PARD3B: variants seen among roughly 807,000 people sequenced by gnomAD.
PARD3B encodes par-3 family cell polarity regulator beta.
A neutral mutation model predicts 130.2 loss-of-function variants in PARD3B; 103 were observed. The ratio of observed to expected loss-of-function variants is 0.79; its 90% CI spans 0.67 to 0.93. The LOEUF is 0.93. Among genes scored for constraint, PARD3B ranks in the 40% least tolerant of loss-of-function variants. The pLI is 0.00. For synonymous variants in PARD3B, 583 were observed against 553.2 expected (o/e 1.05, Z -0.76); for missense variants, 1,609 against 1,499.2 (o/e 1.07, Z -1.21).
At chr2:204,927,916 T>G (rs568073283) in intron 2 of PARD3B, among the ~76,000 whole-genome samples, 1 of 152,150 alleles carries the variant, frequency 6.6e-6, no homozygotes, top group Non-Finnish European at 1.5e-5. Flanking sequence ...AATTTAAGCT[T>G]GTATCTAGAA....
chr2:205,526,356 A>G (rs1559179777), intron 21 of PARD3B, among the ~76,000 whole-genome samples: 1 of 152,186 alleles, frequency 6.6e-6, no homozygotes, highest in Non-Finnish European at 1.5e-5. Context: ...TTCAAAATCA[A>G]AAGATACAAA....
chr2:204,935,371 T>TCC (rs1419014342), intron 2 of PARD3B, among the ~76,000 whole-genome samples: 15 of 94,258 alleles, frequency 1.6e-4, no homozygotes, highest in Non-Finnish European at 2.8e-4. Flanking sequence ...CTACTAAAAA[T>TCC]ACAAAAAAAA....
intron 3 of PARD3B, among the ~76,000 whole-genome samples, chr2:204,986,604 T>C (rs973798484): frequency 3.9e-5 from 6 of 152,250 alleles, no homozygotes; most frequent in African/African-American, 1.2e-4. Flanking sequence ...ATATGCCTGT[T>C]AGCATTCCAA....
rs2055423497 is a variant in PARD3B at position 205,616,053 on chromosome 2, T to C, written c.*240T>C. On this transcript the variant is annotated 3_prime_UTR_variant, in exon 23 of 23. Coordinates refer to ENST00000406610, the MANE Select transcript of PARD3B (RefSeq NM_001302769.2). The stretch of plus-strand genomic sequence containing the variant: ...GGGCTATAAAAACAAAACTACCTGA[T>C]AGTTGAAACGCTTTCAGAGTTGTTC... 3.9e-6 allele frequency: 2 copies of C among 512,648 alleles called. No individual in the cohort carries two copies. The highest frequency in any genetic ancestry group is 6.9e-6 in the Non-Finnish European group (2 of 291,288). 31.8% of individuals were successfully genotyped at this position (512,648 alleles called of 1,614,324 possible).
intron 2 of PARD3B, among the ~76,000 whole-genome samples, chr2:204,912,119 G>C (rs2047260082): frequency 6.6e-6 from 1 of 152,126 alleles, no homozygotes; most frequent in Admixed American, 6.6e-5. Flanking sequence ...CTTCTGAATA[G>C]TATTCATTTG....
chr2:204,556,023 A>T (rs1340166800), intron 1 of PARD3B, among the ~76,000 whole-genome samples: 1 of 152,162 alleles, frequency 6.6e-6, no homozygotes, highest in Non-Finnish European at 1.5e-5. Flanking sequence ...AACTTCAATA[A>T]AGGTAGAGAT....
chr2:205,279,145 C>G (rs2105829447), intron 16 of PARD3B, among the ~76,000 whole-genome samples: 1 of 150,804 alleles, frequency 6.6e-6, no homozygotes, highest in East Asian at 2.0e-4. Flanking sequence ...AATTTTCCCC[C>G]CAAATTTAAC....
Position 205,507,637 on chromosome 2 carries a change from G to A in PARD3B, c.3180+7606G>A, listed in dbSNP as rs974875051. Among the ~76,000 whole-genome samples the A allele has an allele frequency of 1.8e-4, 27 of 152,184 alleles. 1 individual carries two copies. Among genetic ancestry groups the A allele is most frequent in the Non-Finnish European group, 1.8e-4 (12 of 68,012 alleles). ...GAGAGAGTCCTCAAAGGAAAATCAAGGTGCTGTTAACAGGGAAAGAGAATG... is the reference window on the plus strand; with the variant it reads ...GAGAGAGTCCTCAAAGGAAAATCAAAGTGCTGTTAACAGGGAAAGAGAATG... On this transcript the variant is annotated intron_variant, in intron 21 of 22. Transcript: ENST00000406610.
At chr2:205,310,452 G>C (rs2105931084) in intron 18 of PARD3B, among the ~76,000 whole-genome samples, 1 of 152,086 alleles carries the variant, frequency 6.6e-6, no homozygotes, top group South Asian at 2.1e-4. Context: ...TATTCCTCCT[G>C]TCTAGCTGAA....
chr2:205,087,839 T>C (rs1421883403), intron 4 of PARD3B, among the ~76,000 whole-genome samples: 1 of 152,182 alleles, frequency 6.6e-6, no homozygotes, highest in Non-Finnish European at 1.5e-5. Flanking sequence ...GAAGTGACCC[T>C]GACCATCATA....
chr2:205,094,012 C>T (rs764738079), intron 4 of PARD3B, among the ~76,000 whole-genome samples: 4 of 152,168 alleles, frequency 2.6e-5, no homozygotes, highest in Non-Finnish European at 4.4e-5. Flanking sequence ...TAAGAACCCA[C>T]GATGGTGTAG....
chr2:205,507,196 A>AT (rs71410819), intron 21 of PARD3B, among the ~76,000 whole-genome samples: 864 of 25,180 alleles, frequency 0.034, 390 homozygotes, highest in African/African-American at 0.071. Context: ...CAGGTGCAGT[A>AT]TTTTTTTTTT....
Position 204,903,311 on chromosome 2 carries a change from G to T in PARD3B, c.223-61841G>T, listed in dbSNP as rs149000211. 5.1e-4 allele frequency among the ~76,000 whole-genome samples: 78 copies of T among 152,200 alleles called. 1 individual carries two copies. The highest frequency in any genetic ancestry group is 3.3e-3 in the Admixed American group (50 of 15,296). ...ACTCAGAGTGAAAGACCATGCAAGG[G>T]CTAACATTTGACATTTCAGCAGCAA... On this transcript the variant is annotated intron_variant, in intron 2 of 22. Coordinates refer to ENST00000406610, the MANE Select transcript of PARD3B (RefSeq NM_001302769.2).
chr2:204,549,428 G>A (rs1017043178), intron 1 of PARD3B, among the ~76,000 whole-genome samples: 1 of 152,158 alleles, frequency 6.6e-6, no homozygotes, highest in Non-Finnish European at 1.5e-5. Flanking sequence ...ATGTGTCACA[G>A]GTGAATGGGT....
chr2:204,588,236 T>C (rs896924893), intron 1 of PARD3B, among the ~76,000 whole-genome samples: 1 of 152,198 alleles, frequency 6.6e-6, no homozygotes, highest in African/African-American at 2.4e-5. Flanking sequence ...TTAAGATTCT[T>C]TTATGCAGAA....
Position 205,301,348 on chromosome 2 carries a change from G to C in PARD3B, c.2393-116G>C. The C allele has an allele frequency of 6.7e-7, 1 of 1,496,274 alleles. No individual in the cohort carries two copies. Among genetic ancestry groups the C allele is most frequent in the Non-Finnish European group, 8.9e-7 (1 of 1,121,076 alleles). 92.7% of individuals were successfully genotyped at this position (1,496,274 alleles called of 1,614,324 possible). The stretch of plus-strand genomic sequence containing the variant: ...AAGGGCGCACGTAACCACATAGAAG[G>C]GTAGAACTACAGAGTGCTGTTATTC... On this transcript the variant is annotated intron_variant, in intron 17 of 22. Coordinates refer to ENST00000406610, the MANE Select transcript of PARD3B (RefSeq NM_001302769.2). This position sits in a 1 kb window ranked among gnomAD's most constrained non-coding sequence, Gnocchi z 5.2.
rs557904559 is a variant in PARD3B at position 205,407,743 on chromosome 2, C to G, written c.2741+6620C>G. ...CTCCACTGACACCAAAGACTGTCTT[C>G]CATTGAAGTCCCATATTACTGACCC... On this transcript the variant is annotated intron_variant, in intron 19 of 22. Coordinates refer to ENST00000406610, the MANE Select transcript of PARD3B (RefSeq NM_001302769.2). This position sits in a 1 kb window ranked among gnomAD's most constrained non-coding sequence, Gnocchi z 4.1. 5.3e-5 allele frequency among the ~76,000 whole-genome samples: 8 copies of G among 152,182 alleles called. 1 individual carries two copies. Among genetic ancestry groups the G allele is most frequent in the African/African-American group, 1.7e-4 (7 of 41,520 alleles).
intron 3 of PARD3B, among the ~76,000 whole-genome samples, chr2:205,029,378 T>A (rs1697267654): frequency 6.6e-6 from 1 of 152,158 alleles, no homozygotes; most frequent in South Asian, 2.1e-4. Context: ...TACCACTTCC[T>A]TTGCTCTACC....
chr2:205,538,728 G>T (rs1575296914), intron 21 of PARD3B, among the ~76,000 whole-genome samples: 1 of 152,250 alleles, frequency 6.6e-6, no homozygotes, highest in Non-Finnish European at 1.5e-5. Context: ...TGCTCAGGGG[G>T]CTCATGGAAA....
Sources: allele counts gnomAD v4.1 joint callset (sites outside exome capture counted in the v4.1 genomes callset), GRCh38; gene constraint gnomAD v4.1.1; non-coding constraint Gnocchi (gnomAD v3.1); transcripts MANE v1.5; gene names NCBI Gene and HGNC (gene_info 2026-07-23, HGNC 2026-07-21).